Variants in SCN2A observed in about 807,000 individuals in gnomAD.
SCN2A encodes the protein sodium channel protein type 2 subunit alpha.
Under a neutral mutation model 188.7 loss-of-function variants are expected in SCN2A, and 20 were observed. The ratio of observed to expected loss-of-function variants is 0.11; its 90% CI spans 0.07 to 0.15. The LOEUF (loss-of-function observed/expected upper bound fraction) is 0.15, where lower values mean the gene tolerates loss of function less well. Among genes scored for constraint, SCN2A ranks in the 10% least tolerant of loss-of-function variants. SCN2A has a pLI of 1.00. For synonymous variants in SCN2A, 804 were observed against 833.1 expected, an observed-to-expected ratio of 0.97 and a Z score of 0.60; for missense variants, 1,278 against 2,445.0, an observed-to-expected ratio of 0.52 and a Z score of 10.07.
chr2:165,376,668 G>T (rs1013725611), intron 22 of SCN2A, among the ~76,000 whole-genome samples: 2 of 151,900 alleles, frequency 1.3e-5, no homozygotes, highest in Non-Finnish European at 2.9e-5. Context: ...TCTGAGGAAA[G>T]AAGTGCTGGC....
chr2:165,344,755 A>G lies in SCN2A; in HGVS notation c.2763A>G (p.Pro921=). The change falls in exon 16 of 27, where the codon CCA becomes CCG. Residue 921 remains proline, a synonymous_variant. Coordinates refer to ENST00000375437, the MANE Select transcript of SCN2A (RefSeq NM_001040142.2). ...VCKISNDCEL[P]RWHMHDFFHS... The stretch of plus-strand genomic sequence containing the variant: ...AGATTTCCAATGATTGTGAACTCCC[A>G]CGCTGGCACATGCATGACTTTTTCC... 6.2e-7 allele frequency: 1 copy of G among 1,614,148 alleles called. No homozygotes were observed. Among genetic ancestry groups the G allele is most frequent in the Non-Finnish European group, 8.5e-7 (1 of 1,180,032 alleles).
At chr2:165,359,376 G>C (rs934978645) in intron 17 of SCN2A, among the ~76,000 whole-genome samples, 2 of 152,052 alleles carry the variant, frequency 1.3e-5, no homozygotes, top group Non-Finnish European at 2.9e-5. Context: ...TATTCTCTGA[G>C]TATCCCATTT....
intron 16 of SCN2A, among the ~76,000 whole-genome samples, chr2:165,347,470 A>G (rs539079969): frequency 6.6e-6 from 1 of 152,278 alleles, no homozygotes; most frequent in East Asian, 1.9e-4. Flanking sequence ...GAGGGAGAGC[A>G]TTAGGAGAAA....
intron 1 of SCN2A, 33 bp from the exon 2 acceptor site, chr2:165,295,740 G>T: frequency 6.3e-7 from 1 of 1,599,880 alleles, no homozygotes; most frequent in Non-Finnish European, 8.5e-7. Flanking sequence ...TATTCTAATG[G>T]TCATTGCTTT....
At chr2:165,299,072 C>T (rs930526614) in intron 3 of SCN2A, among the ~76,000 whole-genome samples, 20 of 151,836 alleles carry the variant, frequency 1.3e-4, no homozygotes, top group African/African-American at 4.3e-4. Flanking sequence ...TTGTAATAGA[C>T]CATGGAAAAT....
chr2:165,378,725 A>G (rs1422478709), intron 23 of SCN2A, among the ~76,000 whole-genome samples: 2 of 151,688 alleles, frequency 1.3e-5, no homozygotes, highest in Non-Finnish European at 3.0e-5. Flanking sequence ...GCCATGAAAC[A>G]TTTTCAGTTT....
chr2:165,381,644 G>C (rs940988913), intron 25 of SCN2A, among the ~76,000 whole-genome samples: 9 of 151,782 alleles, frequency 5.9e-5, no homozygotes, highest in Non-Finnish European at 1.3e-4. Context: ...AATGAAACAG[G>C]CCACAGGTTT....
At chr2:165,324,281 G>A (rs759532001) in intron 12 of SCN2A, among the ~76,000 whole-genome samples, 1 of 151,964 alleles carries the variant, frequency 6.6e-6, no homozygotes, top group African/African-American at 2.4e-5. Context: ...GACATATTTT[G>A]GCAATGTCAC....
intron 1 of SCN2A, among the ~76,000 whole-genome samples, chr2:165,286,960 G>T (rs1210088748): frequency 6.6e-6 from 1 of 152,134 alleles, no homozygotes; most frequent in African/African-American, 2.4e-5. Flanking sequence ...CATTTAACAT[G>T]TCACCAGTGG....
In SCN2A at chr2:165,274,882, TG is replaced by T. The variant is rs528851174; in HGVS notation, c.-51-20890del. Among the ~76,000 whole-genome samples, 475 of 152,302 alleles carry T rather than the reference TG, an allele frequency of 3.1e-3. 4 individuals carry two copies. The Middle Eastern group carries it at 0.034, about 11-fold the overall frequency. ...TATCCTGCTTTCATCATCCTCCTTC[TG>T]TTCTCAAGCCAAGGACATAGAATGG... On this transcript the variant is annotated intron_variant, in intron 1 of 26. Coordinates refer to ENST00000375437, the MANE Select transcript of SCN2A (RefSeq NM_001040142.2).
At chr2:165,312,838 T>C (rs1697515788) in intron 8 of SCN2A, among the ~76,000 whole-genome samples, 1 of 152,164 alleles carries the variant, frequency 6.6e-6, no homozygotes, top group African/African-American at 2.4e-5. Flanking sequence ...ACGATGATAC[T>C]GTGGACATTA....
chr2:165,314,168 G>A, intron 10 of SCN2A, 60 bp downstream of exon 10: 2 of 1,529,654 alleles, frequency 1.3e-6, no homozygotes, highest in South Asian at 2.3e-5. Flanking sequence ...TAACCTAAAT[G>A]TTGAGGTCAG....
chr2:165,310,624 TGTTTA>T, intron 7 of SCN2A, 29 bp downstream of exon 7: 1 of 1,510,192 alleles, frequency 6.6e-7, no homozygotes, highest in Non-Finnish European at 9.0e-7. Context: ...ACCATTAAGT[TGTTTA>T]GTTCTCTAAA....
At chr2:165,294,243 C>A in intron 1 of SCN2A, 1 of 393,946 alleles carries the variant, frequency 2.5e-6, no homozygotes, top group Non-Finnish European at 3.5e-6. Flanking sequence ...CATTTTGAAG[C>A]TGCTGGCTGC....
chr2:165,303,270 G>GTTTTTTTTTTTTTTTTTTTTTTTT (rs71028477), intron 3 of SCN2A, among the ~76,000 whole-genome samples: 15 of 91,328 alleles, frequency 1.6e-4, no homozygotes, highest in East Asian at 7.4e-4. Flanking sequence ...TGTTATTTGA[G>GTTTTTTTTTTTTTTTTTTTTTTTT]TTTTTTTTTT....
intron 1 of SCN2A, among the ~76,000 whole-genome samples, chr2:165,251,320 G>C (rs1181002685): frequency 6.6e-6 from 1 of 152,048 alleles, no homozygotes; most frequent in African/African-American, 2.4e-5. Flanking sequence ...ATTCAAGTGA[G>C]AGTCGTGGTG....
chr2:165,349,122 A>G (rs535464607), intron 16 of SCN2A, among the ~76,000 whole-genome samples: 1 of 152,346 alleles, frequency 6.6e-6, no homozygotes, highest in South Asian at 2.1e-4. Context: ...AGAAAAGATA[A>G]TATAATTATG....
At position 165,326,944 on chromosome 2, in the gene SCN2A, A is replaced by G; in HGVS notation, c.2109A>G (p.Arg703=). ...DLLEDPTSRQ[R]AMSIASILTN... ...TGGAAGATCCTACATCAAGGCAAAG[A>G]GCAATGAGTATAGCCAGTATTTTGA... The change falls in exon 13 of 27, where the codon AGA becomes AGG. Residue 703 remains arginine, a synonymous_variant. Coordinates refer to ENST00000375437, the MANE Select transcript of SCN2A (RefSeq NM_001040142.2). 6.2e-7 allele frequency: 1 copy of G among 1,614,034 alleles called. No individual in the cohort carries two copies. The highest frequency in any genetic ancestry group is 8.5e-7 in the Non-Finnish European group (1 of 1,179,936).
chr2:165,334,627 T>C (rs1698886962), intron 14 of SCN2A, among the ~76,000 whole-genome samples: 1 of 151,782 alleles, frequency 6.6e-6, no homozygotes, highest in Non-Finnish European at 1.5e-5. Flanking sequence ...TTCAGCCTGA[T>C]AAACACCATC....
Sources: allele counts gnomAD v4.1 joint callset (sites outside exome capture counted in the v4.1 genomes callset), GRCh38; gene constraint gnomAD v4.1.1; transcripts MANE v1.5; gene names NCBI Gene and HGNC (gene_info 2026-07-23, HGNC 2026-07-21).